The following TKTL1 variants were observed in gnomAD, a reference collection of about 807,000 sequenced individuals.
The protein encoded by TKTL1 is transketolase-like protein 1.
In TKTL1, 1 loss-of-function variant was observed where a neutral mutation model predicts 39.3. The observed-to-expected ratio is 0.03, with a 90% CI of 0.01 to 0.12. The LOEUF (loss-of-function observed/expected upper bound fraction) is 0.12. Ranked by LOEUF, TKTL1 falls within the 10% of genes least tolerant of loss-of-function variation. The pLI, the probability that TKTL1 is intolerant of heterozygous loss-of-function variation, is 1.00. For synonymous variants in TKTL1, 262 were observed against 193.8 expected (o/e 1.35, Z -2.92); for missense variants, 575 against 509.6 (o/e 1.13, Z -1.24).
intron 9 of TKTL1, 99 bp from the exon 10 acceptor site, chrX:154,325,240 A>G (rs1557171676): frequency 2.5e-6 from 2 of 803,627 alleles, no homozygotes; most frequent in Non-Finnish European, 3.7e-6. Context: ...TTTAGTAGAA[A>G]GAGCTGTCCT....
intron 3 of TKTL1, among the ~76,000 whole-genome samples, chrX:154,310,198 T>A (rs782759770): frequency 8.2e-4 from 91 of 111,315 alleles, no homozygotes; most frequent in African/African-American, 2.9e-3. Context: ...GGCTCACGCC[T>A]GTAATCCCAG....
intron 7 of TKTL1, among the ~76,000 whole-genome samples, chrX:154,316,757 GTTTT>G (rs66751488): frequency 9.9e-6 from 1 of 100,891 alleles, no homozygotes; most frequent in Non-Finnish European, 2.0e-5. Flanking sequence ...GTGGTTTTTG[GTTTT>G]TTTTTGGGGG....
chrX:154,320,810 C>T lies in TKTL1; in HGVS notation c.1083C>T (p.Ser361=). The change falls in exon 8 of 13, where the codon AGC becomes AGT. Residue 361 remains serine, a synonymous_variant. Coordinates refer to ENST00000369915, the MANE Select transcript of TKTL1 (RefSeq NM_012253.4). Reference sequence around the variant, plus strand: ...GTGGACGGACCATTGCTTTTGCTAGCACCTTTGCTGCCTTTCTGACTCGAG... The same window carrying T: ...GTGGACGGACCATTGCTTTTGCTAGTACCTTTGCTGCCTTTCTGACTCGAG... The part of the protein sequence containing the change: ...ASRGRTIAFA[S]TFAAFLTRAF... 8.3e-7 allele frequency: 1 copy of T among 1,211,125 alleles called. No individual in the cohort carries two copies. Among genetic ancestry groups the T allele is most frequent in the Non-Finnish European group, 1.1e-6 (1 of 894,874 alleles).
rs1603353285 is a variant in TKTL1, at chrX:154,315,117, G to A, written c.865-56G>A. Reference sequence around the variant, plus strand: ...AATATGGTACCTTCCTTCTGTAGTCGTTCCTTCTAAATGCATTTGAAGAAA... The same window carrying A: ...AATATGGTACCTTCCTTCTGTAGTCATTCCTTCTAAATGCATTTGAAGAAA... On this transcript the variant is annotated intron_variant, in intron 6 of 12. Coordinates refer to ENST00000369915, the MANE Select transcript of TKTL1 (RefSeq NM_012253.4). The A allele has an allele frequency of 7.2e-6, 8 of 1,109,460 alleles. No individual in the cohort carries two copies. In the South Asian group the frequency reaches 1.2e-4, roughly 17 times the overall value. The allele number at this position is 1,109,460 out of a possible 1,213,427, so 91.4% of individuals were successfully genotyped here. A position where few individuals can be genotyped will look rare whatever the true frequency, so the allele number is the denominator to read the frequency against.
intron 2 of TKTL1, among the ~76,000 whole-genome samples, chrX:154,307,618 C>T (rs1557167487): frequency 8.9e-6 from 1 of 112,802 alleles, no homozygotes; most frequent in Non-Finnish European, 1.9e-5. Flanking sequence ...GACCTCCTGT[C>T]ACCTAAGGGG....
chrX:154,315,160 C>T lies in TKTL1; in HGVS notation c.865-13C>T. 1.7e-6 allele frequency: 2 copies of T among 1,204,617 alleles called. No homozygotes were observed. On this transcript the variant is annotated splice_polypyrimidine_tract_variant and intron_variant, in intron 6 of 12. Coordinates refer to ENST00000369915, the MANE Select transcript of TKTL1 (RefSeq NM_012253.4). ...TGAAGAAACTCTACCACCTGATTGT[C>T]TCTGTCTTCTAGATAGCTACTCGGA...
chrX:154,300,028 T>G (rs1232572297), intron 1 of TKTL1, among the ~76,000 whole-genome samples: 6 of 100,284 alleles, frequency 6.0e-5, no homozygotes, highest in African/African-American at 2.6e-4. Flanking sequence ...TTTTTTTTTT[T>G]GTCTTGAGAC....
At chrX:154,313,933 CAAA>C (rs78101259) in intron 6 of TKTL1, among the ~76,000 whole-genome samples, 2 of 64,314 alleles carry the variant, frequency 3.1e-5, no homozygotes, top group South Asian at 6.9e-4. Context: ...GACTCTGTCT[CAAA>C]AAAAAAAAAA....
chrX:154,312,750 C>G lies in TKTL1; in HGVS notation c.841C>G (p.Pro281Ala). ...CACAGATGTAAGGATGACCTCTCCA[C>G]CTGATTACAGAGTTGGTGACAAGGT... Reference protein sequence around the residue: ...NITDVRMTSPPDYRVGDKIAT... With the variant: ...NITDVRMTSPADYRVGDKIAT... The change falls in exon 6 of 13, where the codon CCT becomes GCT. Residue 281 changes from proline (P) to alanine (A), a missense_variant. By Grantham distance (27) the Pro-to-Ala change is conservative. Coordinates refer to ENST00000369915, the MANE Select transcript of TKTL1 (RefSeq NM_012253.4). 4 of 1,205,766 alleles carry G rather than the reference C, an allele frequency of 3.3e-6. No individual in the cohort carries two copies. The highest frequency in any genetic ancestry group is 4.5e-6 in the Non-Finnish European group (4 of 892,809).
chrX:154,319,471 T>C (rs2283760), intron 7 of TKTL1, among the ~76,000 whole-genome samples: 24,818 of 111,261 alleles, frequency 0.22, 2,113 homozygotes, highest in South Asian at 0.52. Context: ...CCAGGGGCAG[T>C]GGCTCACGCC....
At chrX:154,324,691 G>A (rs1239540897) in intron 9 of TKTL1, among the ~76,000 whole-genome samples, 1 of 111,589 alleles carries the variant, frequency 9.0e-6, no homozygotes, top group African/African-American at 3.3e-5. Flanking sequence ...CTGAACTTAG[G>A]ATGTATGCAT....
chrX:154,326,943 C>T (rs1218704786), intron 10 of TKTL1, among the ~76,000 whole-genome samples: 1 of 112,200 alleles, frequency 8.9e-6, no homozygotes, highest in Non-Finnish European at 1.9e-5. Flanking sequence ...CCTTTCTGTA[C>T]TATCAGCAAT....
chrX:154,310,975 T>C lies in TKTL1; in HGVS notation c.490T>C (p.Leu164=), dbSNP rs112913009. The part of the protein sequence containing the change: ...DVNRLGHSGA[L]PAEHCINIYQ... ...GAACCGCCTGGGACACAGTGGTGCA[T>C]TGCCCGCCGAGCACTGCATAAACAT... Residue 164 remains leucine, a synonymous_variant, in exon 4 of 13, where the codon TTG becomes CTG. Coordinates refer to ENST00000369915, the MANE Select transcript of TKTL1 (RefSeq NM_012253.4). The C allele has an allele frequency of 8.3e-6, 10 of 1,210,410 alleles. No homozygotes were observed. Among genetic ancestry groups the C allele is most frequent in the Admixed American group, 2.2e-5 (1 of 45,779 alleles).
rs200827513 is a variant in TKTL1 at position 154,315,324 on chromosome X, C to G, written c.1016C>G (p.Ala339Gly). 2.5e-6 allele frequency: 3 copies of G among 1,209,256 alleles called. No homozygotes were observed. Among genetic ancestry groups the G allele is most frequent in the Admixed American group, 4.4e-5 (2 of 45,946 alleles). ...GAGCGCTTCATCGAGTGCTTTATGG[C>G]TGAACAAAACATGGTGAGTGTGTAG... ...YPERFIECFM[A>G]EQNMVSVALG... Residue 339 changes from alanine to glycine, a missense_variant, in exon 7 of 13, where the codon GCT (alanine) becomes GGT (glycine). Transcript: ENST00000369915.
intron 5 of TKTL1, among the ~76,000 whole-genome samples, chrX:154,311,690 ATTGT>A (rs2067358885): frequency 8.9e-6 from 1 of 111,870 alleles, no homozygotes; most frequent in African/African-American, 3.3e-5. Context: ...GACAGCTGAA[ATTGT>A]TTATCTCAGG....
At chrX:154,324,015 A>C (rs1431325485) in intron 9 of TKTL1, among the ~76,000 whole-genome samples, 1 of 112,398 alleles carries the variant, frequency 8.9e-6, no homozygotes, top group African/African-American at 3.2e-5. Flanking sequence ...AACCCCTGGC[A>C]CAGTCGGGAT....
At chrX:154,299,444 C>T (rs1478287705) in intron 1 of TKTL1, among the ~76,000 whole-genome samples, 1 of 110,692 alleles carries the variant, frequency 9.0e-6, no homozygotes, top group Non-Finnish European at 1.9e-5. Context: ...CATGAGCCAC[C>T]GCACCCAGCC....
chrX:154,321,074 T>C (rs1204797526), intron 8 of TKTL1, among the ~76,000 whole-genome samples, 161 bp downstream of exon 8: 2 of 109,286 alleles, frequency 1.8e-5, no homozygotes, highest in Admixed American at 2.0e-4. Flanking sequence ...AGTGTCAGAC[T>C]CTCAGGGCAA....
chrX:154,320,681 A>G (rs1309326083), intron 7 of TKTL1, 76 bp from the exon 8 acceptor site: 8 of 1,032,857 alleles, frequency 7.7e-6, no homozygotes, highest in South Asian at 1.9e-5. Flanking sequence ...AATGGGAGTT[A>G]TCATGGGGAC....
Sources: gnomAD v4.1 joint callset for allele counts (sites outside exome capture counted in the v4.1 genomes callset) on GRCh38, gnomAD v4.1.1 for gene constraint, MANE v1.5 for transcripts, NCBI Gene and HGNC (gene_info 2026-07-23, HGNC 2026-07-21) for gene names.